PRPSAP2: variants seen among roughly 807,000 people sequenced by gnomAD.
PRPSAP2 encodes phosphoribosyl pyrophosphate synthetase associated protein 2.
A neutral mutation model predicts 40.6 loss-of-function variants in PRPSAP2; 24 were observed. That is an observed-to-expected ratio of 0.59 (90% CI 0.43 to 0.83). The LOEUF (loss-of-function observed/expected upper bound fraction) is 0.83, where lower values mean the gene tolerates loss of function less well. Among genes scored for constraint, PRPSAP2 ranks in the 40% least tolerant of loss-of-function variants. The pLI, the probability that PRPSAP2 is intolerant of heterozygous loss-of-function variation, is 0.00. For missense variants in PRPSAP2, 292 were observed against 465.6 expected, an observed-to-expected ratio of 0.63 and a Z score of 3.43; for synonymous variants, 149 against 164.7, an observed-to-expected ratio of 0.90 and a Z score of 0.73.
At chr17:18,862,464 C>T (rs867832829) in intron 1 of PRPSAP2, among the ~76,000 whole-genome samples, 2 of 106,690 alleles carry the variant, frequency 1.9e-5, no homozygotes, top group African/African-American at 7.2e-5. Context: ...AAAAAATGCC[C>T]CTCCCCCCAT....
At chr17:18,916,225 T>C (rs528401638) in intron 9 of PRPSAP2, among the ~76,000 whole-genome samples, 38 of 152,168 alleles carry the variant, frequency 2.5e-4, no homozygotes, top group Non-Finnish European at 5.3e-4. Flanking sequence ...AGTCTTTTTC[T>C]AGCCTTTTCC....
rs1157600487 is a variant in PRPSAP2, at chr17:18,917,601, T to A, written c.734-6313T>A. 5.2e-3 allele frequency: 573 copies of A among 110,612 alleles called. 7 individuals are homozygous for A. The highest frequency in any genetic ancestry group is 0.016 in the African/African-American group (476 of 29,128). 6.9% of individuals were successfully genotyped at this position (110,612 alleles called of 1,614,324 possible). A position where few individuals can be genotyped will look rare whatever the true frequency, so the allele number is the denominator to read the frequency against. ...TTATTATTATTTTTTTTTTTTTTTT[T>A]TTTTTTTTTTTTTTTTTTAGTAGAG... On this transcript the variant is annotated intron_variant, in intron 9 of 11. Coordinates refer to ENST00000268835, the MANE Select transcript of PRPSAP2 (RefSeq NM_002767.4).
chr17:18,922,595 A>G (rs1480976935), intron 9 of PRPSAP2, among the ~76,000 whole-genome samples: 1 of 148,598 alleles, frequency 6.7e-6, no homozygotes, highest in Non-Finnish European at 1.5e-5. Flanking sequence ...TTTTTGAACT[A>G]GGTTTGTCTT....
intron 6 of PRPSAP2, among the ~76,000 whole-genome samples, chr17:18,881,695 G>A (rs1174175807): frequency 6.6e-6 from 1 of 151,922 alleles, no homozygotes; most frequent in African/African-American, 2.4e-5. Context: ...GCGCCACCAT[G>A]CCTGGCTAAT....
chr17:18,908,650 G>C, intron 8 of PRPSAP2: 1 of 719,754 alleles, frequency 1.4e-6, no homozygotes, highest in Non-Finnish European at 2.6e-6. Flanking sequence ...CGCCGACTTC[G>C]CCAACGAGTG....
Position 18,911,128 on chromosome 17 carries a change from C to T in PRPSAP2, c.610C>T (p.Arg204Cys), listed in dbSNP as rs1210595918. The stretch of plus-strand genomic sequence containing the variant: ...GGCACAGTCTTTTGCTGAGCGCCTG[C>T]GCCTGGGAATTGCAGTGATTCATGG... Reference protein sequence around the residue: ...KRAQSFAERLRLGIAVIHGEA... With the variant: ...KRAQSFAERLCLGIAVIHGEA... Residue 204 changes from arginine to cysteine, a missense_variant, in exon 9 of 12, where the codon CGC becomes TGC. This residue lies in a region of PRPSAP2 where 241 missense variants were observed against 425.7 expected (regional missense o/e 0.57). Coordinates refer to ENST00000268835, the MANE Select transcript of PRPSAP2 (RefSeq NM_002767.4). This position sits in a 1 kb window ranked among gnomAD's most constrained non-coding sequence, Gnocchi z 4.5. The T allele has an allele frequency of 1.9e-6, 3 of 1,612,626 alleles. No individual in the cohort carries two copies. The highest frequency in any genetic ancestry group is 2.5e-6 in the Non-Finnish European group (3 of 1,179,100).
chr17:18,859,234 T>C (rs917760115), intron 1 of PRPSAP2: 2 of 152,240 alleles, frequency 1.3e-5, no homozygotes, highest in African/African-American at 4.8e-5. Context: ...AACTTCTGTT[T>C]TCTTTCTTTG....
At chr17:18,893,703 C>T (rs1016392755) in intron 8 of PRPSAP2, among the ~76,000 whole-genome samples, 9 of 151,846 alleles carry the variant, frequency 5.9e-5, no homozygotes, top group East Asian at 1.9e-4. Context: ...TACAGTGAGC[C>T]GTGATTGCAC....
intron 8 of PRPSAP2, among the ~76,000 whole-genome samples, chr17:18,901,905 C>T (rs912180749): frequency 2.0e-5 from 3 of 152,164 alleles, no homozygotes; most frequent in African/African-American, 7.2e-5. Flanking sequence ...CCTTAGTCTC[C>T]TGAGTAGCTG....
At chr17:18,896,347 A>G (rs1259889644) in intron 8 of PRPSAP2, among the ~76,000 whole-genome samples, 5 of 152,238 alleles carry the variant, frequency 3.3e-5, no homozygotes, top group East Asian at 1.9e-4. Flanking sequence ...CCTTGAAGCA[A>G]TAAATCTCCC....
chr17:18,871,070 A>C (rs112486996), intron 4 of PRPSAP2, among the ~76,000 whole-genome samples: 13,014 of 151,954 alleles, frequency 0.086, 646 homozygotes, highest in African/African-American at 0.13. Context: ...CCCAGGCTGG[A>C]GTGCAGTGGT....
chr17:18,865,833 G>T lies in PRPSAP2; in HGVS notation c.-1G>T. ...AAAATTGGAAAACCAAGAAGGTTTTGATGTTTTGTGTGACGCCACCTGAAT... is the reference window on the plus strand; with the variant it reads ...AAAATTGGAAAACCAAGAAGGTTTTTATGTTTTGTGTGACGCCACCTGAAT... On this transcript the variant is annotated 5_prime_UTR_variant, in exon 3 of 12. Transcript: ENST00000268835. The T allele has an allele frequency of 6.7e-7, 1 of 1,493,376 alleles. No homozygotes were observed. Among genetic ancestry groups the T allele is most frequent in the South Asian group, 1.4e-5 (1 of 69,730 alleles). The allele number at this position is 1,493,376 out of a possible 1,614,324, so 92.5% of individuals were successfully genotyped here. A position where few individuals can be genotyped will look rare whatever the true frequency, so the allele number is the denominator to read the frequency against.
intron 8 of PRPSAP2, among the ~76,000 whole-genome samples, chr17:18,897,386 T>C (rs921415241): frequency 2.0e-5 from 3 of 152,166 alleles, no homozygotes; most frequent in Non-Finnish European, 4.4e-5. Flanking sequence ...TTTTTCTTTC[T>C]TTCATGGAGG....
chr17:18,906,909 C>T (rs2040626155), intron 8 of PRPSAP2, among the ~76,000 whole-genome samples: 1 of 152,014 alleles, frequency 6.6e-6, no homozygotes, highest in Admixed American at 6.6e-5. Flanking sequence ...TTGTGTAGTG[C>T]ATATAGGAAA....
chr17:18,895,815 G>A (rs1402401015), intron 8 of PRPSAP2, among the ~76,000 whole-genome samples: 16 of 151,902 alleles, frequency 1.1e-4, no homozygotes, highest in South Asian at 2.1e-4. Context: ...TAGTAGAGAC[G>A]GGATTTCACC....
At chr17:18,910,265 C>T (rs1567732448) in intron 8 of PRPSAP2, among the ~76,000 whole-genome samples, 1 of 152,174 alleles carries the variant, frequency 6.6e-6, no homozygotes, top group South Asian at 2.1e-4. Flanking sequence ...ACTAAAAATA[C>T]AAAAAAGTTA....
intron 10 of PRPSAP2, among the ~76,000 whole-genome samples, chr17:18,924,853 C>T (rs2041888566): frequency 6.6e-6 from 1 of 151,918 alleles, no homozygotes; most frequent in African/African-American, 2.4e-5. Flanking sequence ...GGCACAGTGG[C>T]TCATGCCTAT....
At chr17:18,881,864 G>T (rs564484044) in intron 6 of PRPSAP2, among the ~76,000 whole-genome samples, 157 of 135,996 alleles carry the variant, frequency 1.2e-3, no homozygotes, top group Non-Finnish European at 1.8e-3. Context: ...TTTTTGAGAC[G>T]GAGTCTTGCT....
intron 10 of PRPSAP2, 74 bp downstream of exon 10, chr17:18,924,058 T>G: frequency 7.0e-7 from 1 of 1,423,798 alleles, no homozygotes; most frequent in South Asian, 1.2e-5. Context: ...TTGATTGATT[T>G]TATTACAGAG....
Sources: gnomAD v4.1 joint callset for allele counts (sites outside exome capture counted in the v4.1 genomes callset) on GRCh38, gnomAD v4.1.1 for gene constraint, gnomAD v4.1.1 regional missense constraint, Gnocchi (gnomAD v3.1) non-coding constraint, MANE v1.5 for transcripts, NCBI Gene and HGNC (gene_info 2026-07-23, HGNC 2026-07-21) for gene names.